The following EPHA6 variants were observed in gnomAD, a reference collection of about 807,000 sequenced individuals.
EPHA6 encodes the protein EPH receptor A6.
A neutral mutation model predicts 112.0 loss-of-function variants in EPHA6; 50 were observed. The ratio of observed to expected loss-of-function variants is 0.45; its 90% CI spans 0.36 to 0.56. The LOEUF is 0.56. Among genes scored for constraint, EPHA6 ranks in the 20% least tolerant of loss-of-function variants. The pLI, the probability that EPHA6 is intolerant of heterozygous loss-of-function variation, is 0.00. For missense variants in EPHA6, 1,280 were observed against 1,417.4 expected (o/e 0.90, Z 1.56); for synonymous variants, 529 against 490.7 (o/e 1.08, Z -1.03).
intron 3 of EPHA6, among the ~76,000 whole-genome samples, chr3:97,078,493 G>A (rs994445226): frequency 2.0e-5 from 3 of 152,112 alleles, no homozygotes; most frequent in African/African-American, 7.2e-5. Context: ...GAATGGTATT[G>A]CTTAGGTTTT....
intron 10 of EPHA6, among the ~76,000 whole-genome samples, chr3:97,512,766 T>C (rs913188625): frequency 6.6e-6 from 1 of 152,136 alleles, no homozygotes; most frequent in Non-Finnish European, 1.5e-5. Context: ...GGTTTCACCA[T>C]GTAGGCCAGG....
intron 5 of EPHA6, among the ~76,000 whole-genome samples, chr3:97,246,689 A>G (rs1228513170): frequency 6.6e-6 from 1 of 151,822 alleles, no homozygotes; most frequent in African/African-American, 2.4e-5. Context: ...AAGTACATAA[A>G]GGTCCTAAAC....
At chr3:97,485,688 A>G (rs1488926347) in intron 10 of EPHA6, among the ~76,000 whole-genome samples, 1 of 152,228 alleles carries the variant, frequency 6.6e-6, no homozygotes, top group Non-Finnish European at 1.5e-5. Flanking sequence ...AGAGCACATC[A>G]GCAGGCATAA....
chr3:96,826,464 TCTTTAGTATATTA>T (rs2033665437), intron 1 of EPHA6, among the ~76,000 whole-genome samples: 1 of 152,064 alleles, frequency 6.6e-6, no homozygotes, highest in Non-Finnish European at 1.5e-5. Flanking sequence ...ACCAGTTTCC[TCTTTAGTATATTA>T]GTAAATGATT....
intron 3 of EPHA6, among the ~76,000 whole-genome samples, chr3:97,130,863 A>G (rs2048318577): frequency 6.6e-6 from 1 of 152,152 alleles, no homozygotes. Flanking sequence ...TTATAAACAA[A>G]CCATATCCTA....
At chr3:97,494,966 T>A (rs1239891269) in intron 10 of EPHA6, among the ~76,000 whole-genome samples, 1 of 152,216 alleles carries the variant, frequency 6.6e-6, no homozygotes, top group Non-Finnish European at 1.5e-5. Context: ...AGTTTTTCTC[T>A]AAGTCTTTTC....
chr3:96,938,198 C>T (rs1395627631), intron 2 of EPHA6, among the ~76,000 whole-genome samples: 8 of 152,090 alleles, frequency 5.3e-5, no homozygotes, highest in Non-Finnish European at 8.8e-5. Flanking sequence ...TTACCTTGGG[C>T]AGTATGGCCA....
intron 5 of EPHA6, among the ~76,000 whole-genome samples, chr3:97,284,492 C>T (rs745379628): frequency 6.6e-6 from 1 of 152,116 alleles, no homozygotes; most frequent in Non-Finnish European, 1.5e-5. Context: ...TGTGTCTCCA[C>T]TCCCATTTTT....
At chr3:97,308,400 A>G (rs1453543410) in intron 5 of EPHA6, among the ~76,000 whole-genome samples, 1 of 151,752 alleles carries the variant, frequency 6.6e-6, no homozygotes, top group Non-Finnish European at 1.5e-5. Flanking sequence ...TTGCCTTTCT[A>G]TCTCTGTAGA....
chr3:97,292,532 G>A (rs572686576), intron 5 of EPHA6, among the ~76,000 whole-genome samples: 6 of 152,334 alleles, frequency 3.9e-5, no homozygotes, highest in South Asian at 4.1e-4. Context: ...TCGTCCTGAC[G>A]ACGGTTCAGC....
chr3:97,486,135 T>A (rs1172472065), intron 10 of EPHA6, among the ~76,000 whole-genome samples: 1 of 152,244 alleles, frequency 6.6e-6, no homozygotes, highest in African/African-American at 2.4e-5. Flanking sequence ...TTCCACCTGC[T>A]GTCCCTGAAC....
intron 3 of EPHA6, among the ~76,000 whole-genome samples, chr3:97,205,105 T>G (rs767504367): frequency 2.0e-5 from 3 of 152,102 alleles, no homozygotes; most frequent in Non-Finnish European, 4.4e-5. Flanking sequence ...TTCCAATCAG[T>G]TGGAAAATGT....
intron 10 of EPHA6, among the ~76,000 whole-genome samples, chr3:97,520,667 G>A (rs2092526868): frequency 6.6e-6 from 1 of 152,284 alleles, no homozygotes; most frequent in Admixed American, 6.5e-5. Context: ...TTGAGAGTTT[G>A]ACTGTAATGT....
chr3:96,893,820 T>C (rs528465334), intron 2 of EPHA6, among the ~76,000 whole-genome samples: 67 of 152,346 alleles, frequency 4.4e-4, no homozygotes, highest in Non-Finnish European at 8.7e-4. Flanking sequence ...TCTATGATGC[T>C]GAATTTACTG....
At chr3:97,205,034 C>T (rs2077680343) in intron 3 of EPHA6, among the ~76,000 whole-genome samples, 1 of 152,066 alleles carries the variant, frequency 6.6e-6, no homozygotes, top group Non-Finnish European at 1.5e-5. Flanking sequence ...TCTTGGACTT[C>T]CTTCAAACCA....
chr3:97,741,842 A>G (rs1165300848), intron 16 of EPHA6, among the ~76,000 whole-genome samples: 1 of 152,142 alleles, frequency 6.6e-6, no homozygotes, highest in Non-Finnish European at 1.5e-5. Context: ...TTAAAATTCA[A>G]AAAACAATTC....
chr3:97,604,356 A>G (rs568596871), intron 12 of EPHA6, among the ~76,000 whole-genome samples: 1 of 151,848 alleles, frequency 6.6e-6, no homozygotes, highest in African/African-American at 2.4e-5. Flanking sequence ...TTTGCCTGGG[A>G]CACAAGAATT....
At chr3:96,947,026 G>C (rs936234971) in intron 2 of EPHA6, among the ~76,000 whole-genome samples, 2 of 148,204 alleles carry the variant, frequency 1.3e-5, no homozygotes, top group African/African-American at 5.1e-5. Flanking sequence ...GGGGCTGTTT[G>C]TTTGTTTTTT....
chr3:96,880,224 T>C (rs1470465509), intron 2 of EPHA6, among the ~76,000 whole-genome samples: 2 of 152,170 alleles, frequency 1.3e-5, no homozygotes, highest in African/African-American at 4.8e-5. Context: ...ACATAATGTA[T>C]ACATGTATCA....
Sources: allele counts gnomAD v4.1 joint callset (sites outside exome capture counted in the v4.1 genomes callset), GRCh38; gene constraint gnomAD v4.1.1; transcripts MANE v1.5; gene names NCBI Gene and HGNC (gene_info 2026-07-23, HGNC 2026-07-21).